ARFIP1: variants seen among roughly 807,000 people sequenced by gnomAD.
ARFIP1 encodes arfaptin-1.
ARFIP1 carries 24 observed loss-of-function variants against 42.5 expected under a neutral mutation model. The observed-to-expected ratio is 0.57, with a 90% CI of 0.41 to 0.80. ARFIP1 has a LOEUF of 0.80. Ranked by LOEUF, ARFIP1 falls within the 30% of genes least tolerant of loss-of-function variation. ARFIP1 has a pLI of 0.00. For synonymous variants in ARFIP1, 141 were observed against 153.7 expected, an observed-to-expected ratio of 0.92 and a Z score of 0.61; for missense variants, 354 against 434.0, an observed-to-expected ratio of 0.82 and a Z score of 1.64.
intron 2 of ARFIP1, among the ~76,000 whole-genome samples, chr4:152,862,736 T>C (rs973424550): frequency 2.5e-4 from 38 of 152,212 alleles, no homozygotes; most frequent in African/African-American, 9.2e-4. Context: ...ATGCCTTCAT[T>C]TCAGTTTGAT....
intron 1 of ARFIP1, among the ~76,000 whole-genome samples, chr4:152,822,748 A>G (rs758603195): frequency 7.2e-5 from 11 of 152,200 alleles, no homozygotes; most frequent in Non-Finnish European, 1.5e-4. Flanking sequence ...CTGGAACTCA[A>G]TTCTAAAAAG....
At chr4:152,852,869 C>T (rs1733109920) in intron 2 of ARFIP1, among the ~76,000 whole-genome samples, 1 of 152,266 alleles carries the variant, frequency 6.6e-6, no homozygotes, top group South Asian at 2.1e-4. Context: ...TGGAATTCAA[C>T]CTATTTGTAT....
intron 7 of ARFIP1, among the ~76,000 whole-genome samples, chr4:152,884,816 T>A (rs1444774159): frequency 6.6e-6 from 1 of 152,060 alleles, no homozygotes; most frequent in Non-Finnish European, 1.5e-5. Flanking sequence ...TGAGTATTAG[T>A]GCCCTAAGTA....
At chr4:152,814,845 C>A (rs1729743297) in intron 1 of ARFIP1, among the ~76,000 whole-genome samples, 1 of 152,260 alleles carries the variant, frequency 6.6e-6, no homozygotes, top group Admixed American at 6.5e-5. Flanking sequence ...CGGAAAGTTA[C>A]TTGCATAGAT....
At chr4:152,803,651 G>A (rs771435239) in intron 1 of ARFIP1, among the ~76,000 whole-genome samples, 4 of 152,048 alleles carry the variant, frequency 2.6e-5, no homozygotes, top group Admixed American at 6.6e-5. Context: ...TTCAACAACA[G>A]GCTTGTTATC....
Position 152,863,713 on chromosome 4 carries a change from A to G in ARFIP1, c.201A>G (p.Gln67=). Residue 67 remains glutamine (Q), a splice_region_variant and synonymous_variant, in exon 3 of 9, where the codon CAA becomes CAG. Coordinates refer to ENST00000353617, the MANE Select transcript of ARFIP1 (RefSeq NM_001025595.3). ...GTGTTATTGAAGCAGGAGCATTTCA[A>G]GGTAAGAGCCCATATATTTGTAAAG... The part of the protein sequence containing the change: ...KEGVIEAGAF[Q]GSPAPPLPSV... 6.3e-7 allele frequency: 1 copy of G among 1,581,362 alleles called. No individual in the cohort carries two copies. Among genetic ancestry groups the G allele is most frequent in the Non-Finnish European group, 8.7e-7 (1 of 1,151,260 alleles).
chr4:152,842,224 A>G (rs375346124), intron 2 of ARFIP1, among the ~76,000 whole-genome samples: 8 of 152,000 alleles, frequency 5.3e-5, no homozygotes, highest in South Asian at 2.1e-4. Flanking sequence ...AGGAGGGACA[A>G]TGATCCGGAT....
chr4:152,832,166 A>G (rs1398904285), intron 2 of ARFIP1, among the ~76,000 whole-genome samples: 1 of 152,198 alleles, frequency 6.6e-6, no homozygotes, highest in Non-Finnish European at 1.5e-5. Flanking sequence ...TCACGAGTAT[A>G]TGAATGTTTG....
chr4:152,868,409 A>T (rs1031509396), intron 3 of ARFIP1, among the ~76,000 whole-genome samples: 1 of 152,104 alleles, frequency 6.6e-6, no homozygotes, highest in African/African-American at 2.4e-5. Flanking sequence ...GAGATCCTGT[A>T]TTATTATTTA....
intron 8 of ARFIP1, among the ~76,000 whole-genome samples, chr4:152,893,853 T>C (rs1015453042): frequency 3.9e-5 from 6 of 152,150 alleles, no homozygotes; most frequent in African/African-American, 1.4e-4. Flanking sequence ...AATCTTAGAT[T>C]GATATGAAAA....
chr4:152,907,900 A>C (rs1043936149), intron 8 of ARFIP1, among the ~76,000 whole-genome samples: 1 of 152,200 alleles, frequency 6.6e-6, no homozygotes, highest in African/African-American at 2.4e-5. Flanking sequence ...GCAGATTCTT[A>C]GCGGTAAAAT....
intron 1 of ARFIP1, among the ~76,000 whole-genome samples, chr4:152,808,282 C>CA (rs1729147101): frequency 1.3e-4 from 2 of 15,552 alleles, no homozygotes; most frequent in Non-Finnish European, 1.6e-4. Flanking sequence ...GCCTGGCCTC[C>CA]ATTTTTTTTT....
chr4:152,864,866 A>C (rs1054344593), intron 3 of ARFIP1, among the ~76,000 whole-genome samples: 3 of 151,252 alleles, frequency 2.0e-5, no homozygotes, highest in African/African-American at 7.3e-5. Flanking sequence ...TAATAGAAAA[A>C]TATTGGCTCC....
intron 8 of ARFIP1, among the ~76,000 whole-genome samples, chr4:152,888,552 C>T (rs1449336789): frequency 6.6e-6 from 1 of 152,086 alleles, no homozygotes; most frequent in Non-Finnish European, 1.5e-5. Flanking sequence ...GATGGACAGC[C>T]ATTGATCTTT....
chr4:152,799,095 TTCATA>T (rs1578820555), intron 1 of ARFIP1, among the ~76,000 whole-genome samples: 1 of 152,198 alleles, frequency 6.6e-6, no homozygotes, highest in East Asian at 1.9e-4. Flanking sequence ...TAAAATCTGT[TTCATA>T]TCTAAATGAT....
Position 152,841,720 on chromosome 4 carries a change from A to G in ARFIP1, c.93+11994A>G, listed in dbSNP as rs144244266. ...TGAGGAGGCGAAAGATAGGGCCCCAATCCATTCTAGCTTGTAGGGTTTCTG... is the reference window on the plus strand; with the variant it reads ...TGAGGAGGCGAAAGATAGGGCCCCAGTCCATTCTAGCTTGTAGGGTTTCTG... On this transcript the variant is annotated intron_variant, in intron 2 of 8. Transcript: ENST00000353617. 2.0e-4 allele frequency among the ~76,000 whole-genome samples: 31 copies of G among 152,228 alleles called. No homozygotes were observed. In the East Asian group the frequency reaches 5.2e-3, roughly 26 times the overall value.
chr4:152,808,330 T>C (rs1300533269), intron 1 of ARFIP1, among the ~76,000 whole-genome samples: 1 of 143,514 alleles, frequency 7.0e-6, no homozygotes, highest in Non-Finnish European at 1.5e-5. Flanking sequence ...AGCAGTAGTT[T>C]GTTGTGTTCT....
chr4:152,805,023 A>G (rs907412231), intron 1 of ARFIP1, among the ~76,000 whole-genome samples: 3 of 152,218 alleles, frequency 2.0e-5, no homozygotes, highest in Non-Finnish European at 4.4e-5. Context: ...TGTGCTTAGC[A>G]CAGTGGCTGG....
chr4:152,814,037 A>T (rs562880338), intron 1 of ARFIP1, among the ~76,000 whole-genome samples: 1 of 151,728 alleles, frequency 6.6e-6, no homozygotes, highest in South Asian at 2.1e-4. Context: ...TATTCGATAT[A>T]GAATTCTAGG....
Sources: gnomAD v4.1 joint callset for allele counts (sites outside exome capture counted in the v4.1 genomes callset) on GRCh38, gnomAD v4.1.1 for gene constraint, MANE v1.5 for transcripts, NCBI Gene and HGNC (gene_info 2026-07-23, HGNC 2026-07-21) for gene names.